The following FAM3C variants were observed in gnomAD, a reference collection of about 807,000 sequenced individuals.
FAM3C encodes the protein FAM3 metabolism regulating signaling molecule C, also known as protein FAM3C.
FAM3C carries 15 observed loss-of-function variants against 32.5 expected under a neutral mutation model. The observed-to-expected ratio is 0.46, with a 90% CI of 0.31 to 0.71. FAM3C has a LOEUF of 0.71. FAM3C is among the 30% of genes least tolerant of loss of function. The pLI is 0.05. For missense variants in FAM3C, 175 were observed against 274.4 expected (o/e 0.64, Z 2.56); for synonymous variants, 75 against 86.1 (o/e 0.87, Z 0.72).
intron 3 of FAM3C, among the ~76,000 whole-genome samples, chr7:121,375,012 A>C (rs1227021350): frequency 6.6e-6 from 1 of 152,216 alleles, no homozygotes; most frequent in African/African-American, 2.4e-5. Context: ...TGCAGCACCC[A>C]GTGCTAGATG....
In FAM3C at chr7:121,350,147, A is replaced by AT. The variant is rs1199657521; in HGVS notation, c.*313dup. ...TAGCAACTAGTATATATATCAATAT[A>AT]TTTTTCACAAACCATTCAGTTACAC... On this transcript the variant is annotated 3_prime_UTR_variant, in exon 10 of 10. Coordinates refer to ENST00000359943, the MANE Select transcript of FAM3C (RefSeq NM_014888.3). 1 of 281,118 alleles carries AT rather than the reference A, an allele frequency of 3.6e-6. No individual in the cohort carries two copies. Among genetic ancestry groups the AT allele is most frequent in the Non-Finnish European group, 6.7e-6 (1 of 149,726 alleles). 17.4% of individuals were successfully genotyped at this position (281,118 alleles called of 1,614,324 possible).
Position 121,371,438 on chromosome 7 carries a change from A to T in FAM3C, c.149-15T>A. Reference sequence around the variant, plus strand: ...AGGCTTTGTAGCTTTGGGGGAGAAAACATGATGTCTTTTTTTAGAAAACAA... The same window carrying T: ...AGGCTTTGTAGCTTTGGGGGAGAAATCATGATGTCTTTTTTTAGAAAACAA... On this transcript the variant is annotated splice_polypyrimidine_tract_variant and intron_variant, in intron 4 of 9. Coordinates refer to ENST00000359943, the MANE Select transcript of FAM3C (RefSeq NM_014888.3). The T allele has an allele frequency of 6.2e-7, 1 of 1,611,688 alleles. No homozygotes were observed. Among genetic ancestry groups the T allele is most frequent in the Non-Finnish European group, 8.5e-7 (1 of 1,178,344 alleles).
chr7:121,362,707 T>G, intron 7 of FAM3C, 190 bp downstream of exon 7: 1 of 532,208 alleles, frequency 1.9e-6, no homozygotes, highest in Non-Finnish European at 3.3e-6. Context: ...AATTTTTTTC[T>G]AAGAAGAAGA....
rs1793892726 is a variant in FAM3C at position 121,360,231 on chromosome 7, A to G, written c.383-104T>C. On this transcript the variant is annotated intron_variant, in intron 7 of 9. Transcript: ENST00000359943. ...AAACATGAAGTATCTGTAAAGCAAT[A>G]ATTTCCAATGTAAAGTAATCCAAAA... 3 of 664,502 alleles carry G rather than the reference A, an allele frequency of 4.5e-6. No individual in the cohort carries two copies. The Admixed American group carries it at 7.4e-5, about 16-fold the overall frequency. The allele number at this position is 664,502 out of a possible 1,614,324, so 41.2% of individuals were successfully genotyped here. A position where few individuals can be genotyped will look rare whatever the true frequency, so the allele number is the denominator to read the frequency against.
chr7:121,373,388 G>T (rs1043085878), intron 3 of FAM3C, among the ~76,000 whole-genome samples: 8 of 152,124 alleles, frequency 5.3e-5, no homozygotes, highest in African/African-American at 1.9e-4. Context: ...GCACCTGGTG[G>T]CCAAACAGGT....
intron 2 of FAM3C, among the ~76,000 whole-genome samples, chr7:121,380,951 C>T (rs190209379): frequency 2.0e-5 from 3 of 152,138 alleles, no homozygotes; most frequent in African/African-American, 7.2e-5. Flanking sequence ...AAGACCTGTT[C>T]ACTTACACTG....
At chr7:121,386,624 CATGT>C (rs1260614868) in intron 1 of FAM3C, among the ~76,000 whole-genome samples, 2 of 151,410 alleles carry the variant, frequency 1.3e-5, no homozygotes, top group Non-Finnish European at 2.9e-5. Flanking sequence ...GCTATCTCCA[CATGT>C]ATTATAAGGA....
At chr7:121,367,376 G>T (rs1794042718) in intron 5 of FAM3C, among the ~76,000 whole-genome samples, 1 of 152,096 alleles carries the variant, frequency 6.6e-6, no homozygotes, top group Admixed American at 6.5e-5. Context: ...CTGCCAACTG[G>T]TTTTTTGATT....
intron 6 of FAM3C, among the ~76,000 whole-genome samples, chr7:121,363,649 T>C (rs778323568): frequency 1.1e-4 from 16 of 152,172 alleles, no homozygotes; most frequent in Non-Finnish European, 1.9e-4. Flanking sequence ...TTTTATGTTT[T>C]CAGATTTGAT....
chr7:121,391,142 A>G (rs1794570429), intron 1 of FAM3C, among the ~76,000 whole-genome samples: 1 of 152,182 alleles, frequency 6.6e-6, no homozygotes, highest in African/African-American at 2.4e-5. Flanking sequence ...AAAAGTTATA[A>G]TCCACTTAAC....
Position 121,392,451 on chromosome 7 carries a change from C to T in FAM3C, c.-42+3711G>A, listed in dbSNP as rs572707820. 7.2e-5 allele frequency among the ~76,000 whole-genome samples: 11 copies of T among 152,218 alleles called. 1 individual carries two copies. The highest frequency in any genetic ancestry group is 3.4e-3 in the Middle Eastern group (1 of 294). On this transcript the variant is annotated intron_variant, in intron 1 of 9. Transcript: ENST00000359943. Reference sequence around the variant, plus strand: ...CAGATCTTGTAAGAACTCACTGTCACGAGAACAACATGGGGGAAGCCGCCC... The same window carrying T: ...CAGATCTTGTAAGAACTCACTGTCATGAGAACAACATGGGGGAAGCCGCCC...
At chr7:121,371,944 T>C (rs1794155793) in intron 4 of FAM3C, among the ~76,000 whole-genome samples, 166 bp downstream of exon 4, 1 of 152,156 alleles carries the variant, frequency 6.6e-6, no homozygotes, top group African/African-American at 2.4e-5. Context: ...CATGAATAAT[T>C]GCCAAAAATA....
At chr7:121,377,537 C>T (rs752383098) in intron 3 of FAM3C, among the ~76,000 whole-genome samples, 7 of 152,264 alleles carry the variant, frequency 4.6e-5, no homozygotes, top group Admixed American at 2.6e-4. Context: ...TCATAGTTTA[C>T]TCGATGTAAG....
chr7:121,361,519 T>G (rs1370922006), intron 7 of FAM3C, among the ~76,000 whole-genome samples: 1 of 152,224 alleles, frequency 6.6e-6, no homozygotes, highest in African/African-American at 2.4e-5. Flanking sequence ...CATGACTGAT[T>G]TCAACAACAG....
intron 3 of FAM3C, among the ~76,000 whole-genome samples, chr7:121,376,982 C>T (rs1400286375): frequency 6.6e-6 from 1 of 152,112 alleles, no homozygotes; most frequent in Non-Finnish European, 1.5e-5. Flanking sequence ...AAATGTGAAA[C>T]GGAGTGATAT....
chr7:121,354,620 G>A (rs907599327), intron 8 of FAM3C, among the ~76,000 whole-genome samples: 6 of 152,128 alleles, frequency 3.9e-5, no homozygotes, highest in South Asian at 2.1e-4. Flanking sequence ...CAATATTAAT[G>A]GCTCAATTCT....
chr7:121,372,168 A>C (rs1175053091), intron 3 of FAM3C, 29 bp from the exon 4 acceptor site: 1 of 1,557,250 alleles, frequency 6.4e-7, no homozygotes, highest in East Asian at 2.3e-5. Flanking sequence ...TTTTGTTAGA[A>C]GGAATGAGTC....
intron 4 of FAM3C, 114 bp from the exon 5 acceptor site, chr7:121,371,537 G>C (rs1307634958): frequency 9.0e-7 from 1 of 1,108,870 alleles, no homozygotes; most frequent in South Asian, 1.7e-5. Context: ...CAAGATACAC[G>C]TATCTTAAAA....
chr7:121,364,381 C>T (rs1004790453), intron 5 of FAM3C, 193 bp from the exon 6 acceptor site: 5 of 473,280 alleles, frequency 1.1e-5, no homozygotes, highest in African/African-American at 1.0e-4. Flanking sequence ...AAGCAATGTC[C>T]TTAAATAATA....
Sources: gnomAD v4.1 joint callset for allele counts (sites outside exome capture counted in the v4.1 genomes callset) on GRCh38, gnomAD v4.1.1 for gene constraint, MANE v1.5 for transcripts, NCBI Gene and HGNC (gene_info 2026-07-23, HGNC 2026-07-21) for gene names.